The following WAC variants were observed in gnomAD, a reference collection of about 807,000 sequenced individuals.
The protein encoded by WAC is WW domain containing adaptor with coiled-coil.
Under a neutral mutation model 79.6 loss-of-function variants are expected in WAC, and 11 were observed. That is an observed-to-expected ratio of 0.14 (90% CI 0.09 to 0.23). WAC has a LOEUF of 0.23. WAC is among the 10% of genes least tolerant of loss of function. The probability of loss-of-function intolerance (pLI) is 1.00; values close to 1 mark genes in which losing one functional copy is unlikely to be tolerated. For missense variants in WAC, 728 were observed against 773.5 expected (o/e 0.94, Z 0.70); for synonymous variants, 304 against 276.9 (o/e 1.10, Z -0.97).
rs539869195 is a variant in WAC, at chr10:28,621,060, A to G, written c.*1454A>G. 14 of 152,062 alleles carry G rather than the reference A, an allele frequency of 9.2e-5. No individual in the cohort carries two copies. Among genetic ancestry groups the G allele is most frequent in the Non-Finnish European group, 1.8e-4 (12 of 68,016 alleles). The allele number at this position is 152,062 out of a possible 1,614,324, so 9.4% of individuals were successfully genotyped here. On this transcript the variant is annotated 3_prime_UTR_variant, in exon 14 of 14. Transcript: ENST00000354911. The stretch of plus-strand genomic sequence containing the variant: ...CACATAGCCTTAGCTTCACACTGCC[A>G]GTAATGTATCAAATCACAAGGGTTT...
rs1554780979 is a variant in WAC at position 28,559,136 on chromosome 10, A to ATTGTGTGTGTGTG, written c.274+23380_274+23381insTGTGTGTGTGTGT. On this transcript the variant is annotated intron_variant, in intron 3 of 13. Coordinates refer to ENST00000354911, the MANE Select transcript of WAC (RefSeq NM_016628.5). Reference sequence around the variant, plus strand: ...TAAATCTCTGCTCTCGAGAAACCTGATGTGTGTGTGTGTGTGTGTGTGTGT... The same window carrying ATTGTGTGTGTGTG: ...TAAATCTCTGCTCTCGAGAAACCTGATTGTGTGTGTGTGTGTGTGTGTGTGTGTGTGTGTGTGT... Among the ~76,000 whole-genome samples, 16 of 146,762 alleles carry ATTGTGTGTGTGTG rather than the reference A, an allele frequency of 1.1e-4. No individual in the cohort carries two copies. The East Asian group carries it at 1.8e-3, about 17-fold the overall frequency.
At chr10:28,595,665 CTAATG>C in intron 6 of WAC, 63 bp from the exon 7 acceptor site, 1 of 1,459,136 alleles carries the variant, frequency 6.9e-7, no homozygotes, top group Non-Finnish European at 9.4e-7. Context: ...AGGTAGGATT[CTAATG>C]TAATCTTTTT....
intron 6 of WAC, among the ~76,000 whole-genome samples, chr10:28,594,229 C>T (rs777290501): frequency 2.0e-5 from 3 of 151,952 alleles, no homozygotes; most frequent in East Asian, 1.9e-4. Context: ...GGAGTACATA[C>T]GCTTGATACA....
intron 3 of WAC, among the ~76,000 whole-genome samples, chr10:28,579,511 C>T (rs568585726): frequency 1.3e-5 from 2 of 152,198 alleles, no homozygotes; most frequent in African/African-American, 4.8e-5. Context: ...TTTCTCTTAG[C>T]CTTAGATTCT....
chr10:28,535,987 A>C, intron 3 of WAC: 1 of 314,038 alleles, frequency 3.2e-6, no homozygotes, highest in Non-Finnish European at 5.8e-6. Flanking sequence ...TCACGCCTGT[A>C]ATCTCAGCAC....
At chr10:28,571,289 C>T (rs12414872) in intron 3 of WAC, among the ~76,000 whole-genome samples, 34,255 of 151,946 alleles carry the variant, frequency 0.23, 4,692 homozygotes, top group Non-Finnish European at 0.28. Context: ...TCAGAAGCAT[C>T]GAAAAATGCT....
At position 28,603,976 on chromosome 10, in the gene WAC, T is replaced by C. The variant is rs371129245; in HGVS notation, c.920-4210T>C. On this transcript the variant is annotated intron_variant, in intron 7 of 13. Transcript: ENST00000354911. ...ATGTATGTATGTATATATATATATATATATATATATATGTATATATATATA... is the reference window on the plus strand; with the variant it reads ...ATGTATGTATGTATATATATATATACATATATATATATGTATATATATATA... 2.8e-5 allele frequency among the ~76,000 whole-genome samples: 2 copies of C among 70,362 alleles called. 1 individual carries two copies. Among genetic ancestry groups the C allele is most frequent in the African/African-American group, 1.3e-4 (2 of 15,908 alleles). The allele number at this position is 70,362 out of a possible 152,430, so 46.2% of individuals were successfully genotyped here.
At position 28,541,476 on chromosome 10, in the gene WAC, A is replaced by G. The variant is rs899895293; in HGVS notation, c.274+5719A>G. Among the ~76,000 whole-genome samples the G allele has an allele frequency of 6.7e-5, 8 of 120,262 alleles. No individual in the cohort carries two copies. The East Asian group carries it at 1.9e-3, about 28-fold the overall frequency. The allele number at this position is 120,262 out of a possible 152,430, so 78.9% of individuals were successfully genotyped here. ...CAGTCTCACTCTGTACCTAGGCTGGAGTGCAGTGGCACGATCTCGATCTCA... is the reference window on the plus strand; with the variant it reads ...CAGTCTCACTCTGTACCTAGGCTGGGGTGCAGTGGCACGATCTCGATCTCA... On this transcript the variant is annotated intron_variant, in intron 3 of 13. Transcript: ENST00000354911.
chr10:28,546,638 G>GTT (rs1394713497), intron 3 of WAC, among the ~76,000 whole-genome samples: 1 of 152,086 alleles, frequency 6.6e-6, no homozygotes, highest in Admixed American at 6.6e-5. Context: ...ATATTTTTGT[G>GTT]TAATTATGAG....
Position 28,533,584 on chromosome 10 carries a change from T to C in WAC, c.5T>C (p.Val2Ala). The change falls in exon 1 of 14, where the codon GTA (valine) becomes GCA (alanine). Residue 2 changes from valine (V) to alanine (A), a missense_variant. Physicochemically the swap from Val to Ala is moderately conservative, Grantham distance 64. Coordinates refer to ENST00000354911, the MANE Select transcript of WAC (RefSeq NM_016628.5). MVMYARKQQRLS... is the reference protein window; with the variant it reads MAMYARKQQRLS... Reference sequence around the variant, plus strand: ...ACACTCACAGGCCGGGCATTGATGGTAATGTATGCGAGGAAACAGCAGAGA... The same window carrying C: ...ACACTCACAGGCCGGGCATTGATGGCAATGTATGCGAGGAAACAGCAGAGA... 2 of 1,563,376 alleles carry C rather than the reference T, an allele frequency of 1.3e-6. No individual in the cohort carries two copies. Among genetic ancestry groups the C allele is most frequent in the Non-Finnish European group, 1.7e-6 (2 of 1,151,594 alleles).
At chr10:28,576,376 A>C (rs1178176439) in intron 3 of WAC, among the ~76,000 whole-genome samples, 1 of 152,204 alleles carries the variant, frequency 6.6e-6, no homozygotes, top group African/African-American at 2.4e-5. Context: ...TATCTCTGCC[A>C]CTTCAATGTT....
intron 3 of WAC, among the ~76,000 whole-genome samples, chr10:28,540,435 CAG>C (rs932526343): frequency 6.6e-6 from 1 of 152,166 alleles, no homozygotes; most frequent in African/African-American, 2.4e-5. Context: ...CTTCTTCCCT[CAG>C]TGGTTACAAC....
chr10:28,579,634 T>A (rs1191378370), intron 3 of WAC, among the ~76,000 whole-genome samples: 1 of 152,228 alleles, frequency 6.6e-6, no homozygotes, highest in Non-Finnish European at 1.5e-5. Flanking sequence ...CTTTTCGGTA[T>A]GGCTCTAGAA....
At chr10:28,590,094 G>A (rs1840010054) in intron 5 of WAC, among the ~76,000 whole-genome samples, 1 of 152,094 alleles carries the variant, frequency 6.6e-6, no homozygotes, top group Non-Finnish European at 1.5e-5. Flanking sequence ...GCCAAGACGG[G>A]AGGATCACTT....
intron 10 of WAC, among the ~76,000 whole-genome samples, chr10:28,614,103 CTAGT>C (rs1841366954): frequency 1.3e-5 from 2 of 151,966 alleles, no homozygotes; most frequent in South Asian, 4.2e-4. Flanking sequence ...TAAAGGAGAA[CTAGT>C]TACTTTTTTT....
Position 28,621,375 on chromosome 10 carries a change from A to G in WAC, c.*1769A>G, listed in dbSNP as rs1841686259. ...GCTCTTGTGCTTTAAGCATATATTGAAAGTATGGAAGTTAAATGTTCAGGC... is the reference window on the plus strand; with the variant it reads ...GCTCTTGTGCTTTAAGCATATATTGGAAGTATGGAAGTTAAATGTTCAGGC... On this transcript the variant is annotated 3_prime_UTR_variant, in exon 14 of 14. Transcript: ENST00000354911. 2 of 152,128 alleles carry G rather than the reference A, an allele frequency of 1.3e-5. No homozygotes were observed. Among genetic ancestry groups the G allele is most frequent in the Non-Finnish European group, 2.9e-5 (2 of 68,014 alleles). 9.4% of individuals were successfully genotyped at this position (152,128 alleles called of 1,614,324 possible). A position where few individuals can be genotyped will look rare whatever the true frequency, so the allele number is the denominator to read the frequency against.
At chr10:28,590,867 T>A in intron 6 of WAC, 35 bp downstream of exon 6, 1 of 1,484,808 alleles carries the variant, frequency 6.7e-7, no homozygotes, top group Non-Finnish European at 9.3e-7. Context: ...AAATGTATGT[T>A]TGACTTATTC....
chr10:28,564,117 G>T (rs879311024), intron 3 of WAC, among the ~76,000 whole-genome samples: 5 of 151,830 alleles, frequency 3.3e-5, no homozygotes, highest in African/African-American at 9.7e-5. Flanking sequence ...ATACAAAAAT[G>T]AGCCAGGCAT....
intron 8 of WAC, among the ~76,000 whole-genome samples, chr10:28,610,087 AT>A (rs1234040347): frequency 1.4e-4 from 22 of 151,944 alleles, no homozygotes; most frequent in African/African-American, 5.1e-4. Context: ...ACCTGCCACT[AT>A]GCCCAGCTAA....
Sources: allele counts gnomAD v4.1 joint callset (sites outside exome capture counted in the v4.1 genomes callset), GRCh38; gene constraint gnomAD v4.1.1; transcripts MANE v1.5; gene names NCBI Gene and HGNC (gene_info 2026-07-23, HGNC 2026-07-21).